ARHGAP39: variants seen among roughly 807,000 people sequenced by gnomAD.
The protein encoded by ARHGAP39 is rho GTPase-activating protein 39.
ARHGAP39 carries 44 observed loss-of-function variants against 106.9 expected under a neutral mutation model. The ratio of observed to expected loss-of-function variants is 0.41; its 90% CI spans 0.32 to 0.53. The LOEUF is 0.53. Ranked by LOEUF, ARHGAP39 falls within the 20% of genes least tolerant of loss-of-function variation. The pLI is 0.21. For synonymous variants in ARHGAP39, 768 were observed against 693.2 expected, an observed-to-expected ratio of 1.11 and a Z score of -1.69; for missense variants, 1,496 against 1,577.3, an observed-to-expected ratio of 0.95 and a Z score of 0.87.
At position 144,530,830 on chromosome 8, in the gene ARHGAP39, G is replaced by A; in HGVS notation, c.3022C>T (p.Leu1008=). ...KLWYRELEEP[L]IPHEFYEQCI... ...TGCTCGTAGAACTCGTGCGGGATCA[G>A]GGGCTCCTCCAGCTCCCGGTACCAC... The change falls in exon 11 of 12, where the codon CTG becomes TTG. Residue 1008 remains leucine, a synonymous_variant. Coordinates refer to ENST00000377307, the MANE Select transcript of ARHGAP39 (RefSeq NM_025251.3). The A allele has an allele frequency of 6.2e-7, 1 of 1,611,418 alleles. No individual in the cohort carries two copies.
At chr8:144,579,018 T>C (rs922926949) in intron 3 of ARHGAP39, among the ~76,000 whole-genome samples, 7 of 151,334 alleles carry the variant, frequency 4.6e-5, no homozygotes, top group African/African-American at 1.7e-4. Context: ...CTGGCTAACA[T>C]GGTGAAACCC....
At chr8:144,607,409 C>T (rs1015645991) in intron 1 of ARHGAP39, among the ~76,000 whole-genome samples, 5 of 152,104 alleles carry the variant, frequency 3.3e-5, no homozygotes, top group Non-Finnish European at 5.9e-5. Context: ...CTGCTCCTAG[C>T]CTTGGTGCCA....
At chr8:144,602,210 TGC>T in intron 2 of ARHGAP39, among the ~76,000 whole-genome samples, 1 of 133,610 alleles carries the variant, frequency 7.5e-6, no homozygotes, top group African/African-American at 2.9e-5. Flanking sequence ...GAGGCGTGCG[TGC>T]GAGCTCGTGT....
intron 1 of ARHGAP39, among the ~76,000 whole-genome samples, chr8:144,653,226 G>A (rs967189772): frequency 3.3e-5 from 5 of 152,160 alleles, no homozygotes; most frequent in Non-Finnish European, 5.9e-5. Flanking sequence ...GCTTGAACCC[G>A]GGAAGTGGAG....
chr8:144,672,331 T>C (rs1822121143), intron 1 of ARHGAP39, among the ~76,000 whole-genome samples: 1 of 152,164 alleles, frequency 6.6e-6, no homozygotes, highest in South Asian at 2.1e-4. Context: ...GAAGGGACCG[T>C]AACAGAAAAC....
In ARHGAP39 at chr8:144,547,804, AGTACGAACCACCGCC is replaced by A. The variant is rs1322394958; in HGVS notation, c.1267_1281del (p.Gly423_Tyr427del). 1 of 1,593,646 alleles carries A rather than the reference AGTACGAACCACCGCC, an allele frequency of 6.3e-7. No homozygotes were observed. ...AGCAGGCAGGGGCTGGGCTGCAAGG[AGTACGAACCACCGCC>A]GGGGTTGGGCGCGTACTTGTGCCGC... On this transcript the variant is annotated inframe_deletion, in exon 5 of 12. Coordinates refer to ENST00000377307, the MANE Select transcript of ARHGAP39 (RefSeq NM_025251.3). The surrounding 1 kb of genome is among the most constrained non-coding windows in gnomAD (Gnocchi z 5.2).
chr8:144,543,591 T>G (rs947711455), intron 6 of ARHGAP39, among the ~76,000 whole-genome samples: 4 of 152,226 alleles, frequency 2.6e-5, no homozygotes, highest in African/African-American at 9.6e-5. Context: ...TTGGCCTTCA[T>G]GGGCCTTCTT....
chr8:144,681,273 A>C (rs895113107), intron 1 of ARHGAP39, among the ~76,000 whole-genome samples: 1 of 152,230 alleles, frequency 6.6e-6, no homozygotes, highest in Non-Finnish European at 1.5e-5. Flanking sequence ...TGAAGCAAGA[A>C]AGGTAACGAG....
intron 2 of ARHGAP39, among the ~76,000 whole-genome samples, chr8:144,582,604 A>AG (rs1819034727): frequency 6.6e-6 from 1 of 152,210 alleles, no homozygotes; most frequent in Non-Finnish European, 1.5e-5. Flanking sequence ...GAAGGCACCG[A>AG]GGGACAGTCC....
chr8:144,648,538 T>C (rs886566666), intron 1 of ARHGAP39, among the ~76,000 whole-genome samples: 3 of 152,142 alleles, frequency 2.0e-5, no homozygotes, highest in Non-Finnish European at 4.4e-5. Flanking sequence ...ATATCAGATA[T>C]TGGAAACTCA....
intron 1 of ARHGAP39, among the ~76,000 whole-genome samples, chr8:144,632,289 C>T (rs534508097): frequency 3.4e-4 from 51 of 152,168 alleles, no homozygotes; most frequent in Non-Finnish European, 6.6e-4. Flanking sequence ...GCCCACCTCC[C>T]GTCACTTGTC....
At chr8:144,546,915 C>A (rs1156341318) in intron 5 of ARHGAP39, among the ~76,000 whole-genome samples, 2 of 152,236 alleles carry the variant, frequency 1.3e-5, no homozygotes, top group African/African-American at 2.4e-5. Flanking sequence ...GAACGCCCAG[C>A]AGCCCACACC....
At position 144,581,169 on chromosome 8, in the gene ARHGAP39, G is replaced by A. The variant is rs746618656; in HGVS notation, c.189C>T (p.Arg63=). ...WDPPAGVRIK[R]TSENQWWELF... is the part of the protein sequence containing the mutation. Reference sequence around the variant, plus strand: ...GCTCCCACCACTGGTTCTCGCTGGTGCGCTTGATGCGGACGCCGGCCGGCG... The same window carrying A: ...GCTCCCACCACTGGTTCTCGCTGGTACGCTTGATGCGGACGCCGGCCGGCG... The change falls in exon 3 of 12, where the codon CGC becomes CGT. Residue 63 remains arginine (R), a synonymous_variant. Coordinates refer to ENST00000377307, the MANE Select transcript of ARHGAP39 (RefSeq NM_025251.3). The A allele has an allele frequency of 7.0e-6, 11 of 1,569,318 alleles. No individual in the cohort carries two copies. The African/African-American group carries it at 1.5e-4, about 21-fold the overall frequency.
the ARHGAP39 span, among the ~76,000 whole-genome samples, chr8:144,697,990 T>C: frequency 6.6e-6 from 1 of 152,242 alleles, no homozygotes; most frequent in African/African-American, 2.4e-5. Context: ...CTTTGAGCTC[T>C]ATCATTTTGG....
chr8:144,530,416 C>A lies in ARHGAP39; in HGVS notation c.*6G>T. ...AGGACATCCCTCCTGTCCCCGGGCG[C>A]CCCCGCTACAGCACACCCTCCATGA... On this transcript the variant is annotated 3_prime_UTR_variant, in exon 12 of 12. Coordinates refer to ENST00000377307, the MANE Select transcript of ARHGAP39 (RefSeq NM_025251.3). 3 of 1,589,196 alleles carry A rather than the reference C, an allele frequency of 1.9e-6. No homozygotes were observed. Among genetic ancestry groups the A allele is most frequent in the East Asian group, 2.3e-5 (1 of 43,656 alleles).
chr8:144,634,901 G>A (rs576247457), intron 1 of ARHGAP39, among the ~76,000 whole-genome samples: 1 of 152,298 alleles, frequency 6.6e-6, no homozygotes, highest in African/African-American at 2.4e-5. Context: ...CAGGCCCTGT[G>A]CGGGTGTAGT....
chr8:144,600,600 G>A (rs776569934), intron 2 of ARHGAP39, among the ~76,000 whole-genome samples: 11 of 148,864 alleles, frequency 7.4e-5, no homozygotes, highest in South Asian at 2.1e-4. Flanking sequence ...CTGAGTGTGC[G>A]TGTTCGTGGA....
In ARHGAP39 at chr8:144,643,431, C is replaced by T. The variant is rs559686295; in HGVS notation, c.-81-37736G>A. Among the ~76,000 whole-genome samples the T allele has an allele frequency of 3.9e-5, 6 of 152,148 alleles. No individual in the cohort carries two copies. The East Asian group carries it at 7.7e-4, about 20-fold the overall frequency. On this transcript the variant is annotated intron_variant, in intron 1 of 11. Coordinates refer to ENST00000377307, the MANE Select transcript of ARHGAP39 (RefSeq NM_025251.3). ...TCATGCCACTGTACTTCAGCCTAGGCGACAGAGCCAGACCCAATCTCAAAA... is the reference window on the plus strand; with the variant it reads ...TCATGCCACTGTACTTCAGCCTAGGTGACAGAGCCAGACCCAATCTCAAAA...
chr8:144,606,819 A>C (rs915590252), intron 1 of ARHGAP39, among the ~76,000 whole-genome samples: 4 of 152,188 alleles, frequency 2.6e-5, no homozygotes, highest in African/African-American at 7.2e-5. Context: ...TGTAGGTCTA[A>C]ATGTTAAAAG....
Sources: gnomAD v4.1 joint callset for allele counts (sites outside exome capture counted in the v4.1 genomes callset) on GRCh38, gnomAD v4.1.1 for gene constraint, Gnocchi (gnomAD v3.1) non-coding constraint, MANE v1.5 for transcripts, NCBI Gene and HGNC (gene_info 2026-07-23, HGNC 2026-07-21) for gene names.